ADAMTS5: variants seen among roughly 807,000 people sequenced by gnomAD.
ADAMTS5 encodes the protein A disintegrin and metalloproteinase with thrombospondin motifs 5.
ADAMTS5 carries 54 observed loss-of-function variants against 81.4 expected under a neutral mutation model. The ratio of observed to expected loss-of-function variants is 0.66; its 90% CI spans 0.53 to 0.83. The LOEUF (loss-of-function observed/expected upper bound fraction) is 0.83, where lower values mean the gene tolerates loss of function less well. Ranked by LOEUF, ADAMTS5 falls within the 40% of genes least tolerant of loss-of-function variation. The probability of loss-of-function intolerance (pLI) is 0.00; values close to 1 mark genes in which losing one functional copy is unlikely to be tolerated. For synonymous variants in ADAMTS5, 532 were observed against 508.8 expected, an observed-to-expected ratio of 1.05 and a Z score of -0.61; for missense variants, 1,194 against 1,229.9, an observed-to-expected ratio of 0.97 and a Z score of 0.44.
Position 26,965,623 on chromosome 21 carries a change from G to T in ADAMTS5, c.769C>A (p.Arg257=), listed in dbSNP as rs1381117530. Residue 257 remains arginine (R), a synonymous_variant, in exon 1 of 8, where the codon CGG becomes AGG. Transcript: ENST00000284987. ...CGGGAGATGGAGCGGCGCCGCCGCC[G>T]CCACCACGTCTGCGGTCCTGAGCCC... ...AGGSGPQTWW[R]RRRRSISRAR... The T allele has an allele frequency of 3.1e-6, 5 of 1,596,824 alleles. No individual in the cohort carries two copies. The highest frequency in any genetic ancestry group is 1.3e-5 in the African/African-American group (1 of 74,522).
At chr21:26,933,157 G>A (rs1986947439) in intron 4 of ADAMTS5, 113 bp from the exon 5 acceptor site, 1 of 1,123,238 alleles carries the variant, frequency 8.9e-7, no homozygotes, top group Non-Finnish European at 1.3e-6. Context: ...CACAGATACA[G>A]TTATATTTTC....
In ADAMTS5 at chr21:26,932,797, A is replaced by G. The variant is rs560473400; in HGVS notation, c.1873+64T>C. 7.9e-6 allele frequency: 12 copies of G among 1,512,768 alleles called. No individual in the cohort carries two copies. The African/African-American group carries it at 1.5e-4, about 19-fold the overall frequency. 93.7% of individuals were successfully genotyped at this position (1,512,768 alleles called of 1,614,324 possible). On this transcript the variant is annotated intron_variant, in intron 5 of 7. Coordinates refer to ENST00000284987, the MANE Select transcript of ADAMTS5 (RefSeq NM_007038.5). ...ATTATTTCCCCAGCTTCCCTTATTCATTATTGCTAGAATACAAATGACATG... is the reference window on the plus strand; with the variant it reads ...ATTATTTCCCCAGCTTCCCTTATTCGTTATTGCTAGAATACAAATGACATG...
rs769490088 is a variant in ADAMTS5, at chr21:26,933,050, A to G, written c.1690-6T>C. The G allele has an allele frequency of 6.2e-7, 1 of 1,609,494 alleles. No individual in the cohort carries two copies. The highest frequency in any genetic ancestry group is 1.7e-5 in the Admixed American group (1 of 58,956). On this transcript the variant is annotated splice_polypyrimidine_tract_variant and splice_region_variant and intron_variant, in intron 4 of 7. Transcript: ENST00000284987. ...CAGTTGCCATGGCTTGACGTCTGAAATAGAGAATAGAATATATTTTAACTC... is the reference window on the plus strand; with the variant it reads ...CAGTTGCCATGGCTTGACGTCTGAAGTAGAGAATAGAATATATTTTAACTC...
rs530301801 is a variant in ADAMTS5 at position 26,939,662 on chromosome 21, C to T, written c.1405+3718G>A. On this transcript the variant is annotated intron_variant, in intron 3 of 7. Transcript: ENST00000284987. ...TGTGAGTGTTCTTGAGCTGTATCTA[C>T]ATAAGTCATGGCCTTTCTCATCATC... The T allele has an allele frequency of 6.6e-5, 10 of 152,366 alleles. No individual in the cohort carries two copies. In the East Asian group the frequency reaches 1.7e-3, roughly 26 times the overall value. 9.4% of individuals were successfully genotyped at this position (152,366 alleles called of 1,614,324 possible).
At chr21:26,952,406 T>C (rs1425769311) in intron 2 of ADAMTS5, among the ~76,000 whole-genome samples, 2 of 152,244 alleles carry the variant, frequency 1.3e-5, no homozygotes, top group African/African-American at 4.8e-5. Context: ...GCATCTGGCT[T>C]CCTGCCTCTC....
chr21:26,945,270 A>T (rs1987193525), intron 2 of ADAMTS5, among the ~76,000 whole-genome samples: 1 of 152,124 alleles, frequency 6.6e-6, no homozygotes, highest in African/African-American at 2.4e-5. Flanking sequence ...AAGATAGAAG[A>T]TTTATCAGTT....
chr21:26,965,348 G>A lies in ADAMTS5; in HGVS notation c.1044C>T (p.His348=). 1 of 1,614,278 alleles carries A rather than the reference G, an allele frequency of 6.2e-7. No homozygotes were observed. Among genetic ancestry groups the A allele is most frequent in the Non-Finnish European group, 8.5e-7 (1 of 1,180,046 alleles). The stretch of plus-strand genomic sequence containing the variant: ...CCTCATGGTCATCTCCCAGCTGGTT[G>A]TGTTGGTGCTGCCACTTGCAAAAGT... ...LKNFCKWQHQ[H]NQLGDDHEEH... Residue 348 remains histidine (H), a synonymous_variant, in exon 1 of 8, where the codon CAC becomes CAT. Coordinates refer to ENST00000284987, the MANE Select transcript of ADAMTS5 (RefSeq NM_007038.5).
chr21:26,925,682 C>T (rs1361016252), intron 7 of ADAMTS5, among the ~76,000 whole-genome samples: 27 of 152,290 alleles, frequency 1.8e-4, no homozygotes, highest in Admixed American at 1.6e-3. Flanking sequence ...GTTTGACTGA[C>T]GTGTGGAGCT....
chr21:26,954,148 T>C (rs1987374058), intron 2 of ADAMTS5: 1 of 152,102 alleles, frequency 6.6e-6, no homozygotes, highest in African/African-American at 2.4e-5. Flanking sequence ...GTCCTCTATT[T>C]ATAGATGTAG....
intron 2 of ADAMTS5, among the ~76,000 whole-genome samples, chr21:26,945,823 G>C (rs1468808920): frequency 1.3e-5 from 2 of 152,158 alleles, no homozygotes; most frequent in Non-Finnish European, 2.9e-5. Flanking sequence ...ATGCATAGAG[G>C]AAATTGCACT....
chr21:26,925,950 C>T (rs1194758997), intron 7 of ADAMTS5, among the ~76,000 whole-genome samples: 2 of 152,190 alleles, frequency 1.3e-5, no homozygotes, highest in Admixed American at 6.5e-5. Context: ...CATTACAGAT[C>T]AGATTTTGTT....
At chr21:26,930,195 C>A in intron 6 of ADAMTS5, 134 bp from the exon 7 acceptor site, 9 of 778,336 alleles carry the variant, frequency 1.2e-5, no homozygotes, top group East Asian at 2.7e-5. Flanking sequence ...AAAAAAAAGC[C>A]AAAAAAACAT....
intron 1 of ADAMTS5, among the ~76,000 whole-genome samples, chr21:26,962,859 G>C (rs1333156706): frequency 6.6e-6 from 1 of 151,672 alleles, no homozygotes; most frequent in African/African-American, 2.4e-5. Flanking sequence ...CTCTCCTCCA[G>C]ACTTCTTTTT....
intron 1 of ADAMTS5, among the ~76,000 whole-genome samples, chr21:26,959,982 C>G (rs1027316540): frequency 6.6e-6 from 1 of 152,140 alleles, no homozygotes; most frequent in African/African-American, 2.4e-5. Flanking sequence ...CATTCAAAAC[C>G]TGGCACACTA....
At chr21:26,929,078 TTA>T (rs1986859065) in intron 7 of ADAMTS5, among the ~76,000 whole-genome samples, 1 of 152,194 alleles carries the variant, frequency 6.6e-6, no homozygotes, top group East Asian at 1.9e-4. Flanking sequence ...CAGAGAAAAT[TTA>T]TAGTTTTTTA....
intron 1 of ADAMTS5, among the ~76,000 whole-genome samples, chr21:26,961,055 C>G (rs1044310317): frequency 2.2e-4 from 33 of 152,218 alleles, no homozygotes; most frequent in African/African-American, 8.0e-4. Context: ...TTTTAAATCT[C>G]TGAATCCCTC....
chr21:26,950,938 C>A (rs1318684163), intron 2 of ADAMTS5, among the ~76,000 whole-genome samples: 2 of 152,048 alleles, frequency 1.3e-5, no homozygotes, highest in Non-Finnish European at 2.9e-5. Context: ...TCATTTTATC[C>A]TCTGTCTCCT....
Position 26,965,496 on chromosome 21 carries a change from T to C in ADAMTS5, c.896A>G (p.Asn299Ser), listed in dbSNP as rs777612860. 3.1e-6 allele frequency: 5 copies of C among 1,614,254 alleles called. No homozygotes were observed. The highest frequency in any genetic ancestry group is 4.2e-6 in the Non-Finnish European group (5 of 1,180,042). ...GATGCTAGCATGGCTGTACAGCCTA[T>C]TGGCGATGGAGGCCAGGGTCAGCAG... ...HYLLTLASIA[N>S]RLYSHASIEN... Residue 299 changes from asparagine to serine, a missense_variant, in exon 1 of 8, where the codon AAT becomes AGT. Physicochemically the swap from Asn to Ser is conservative, Grantham distance 46. Coordinates refer to ENST00000284987, the MANE Select transcript of ADAMTS5 (RefSeq NM_007038.5).
chr21:26,965,577 A>T lies in ADAMTS5; in HGVS notation c.815T>A (p.Leu272His). The change falls in exon 1 of 8, where the codon CTT becomes CAT. Residue 272 changes from leucine to histidine, a missense_variant. Around this residue, in one of 2 missense-constraint regions of ADAMTS5, gnomAD observed 498 missense variants for 412.3 expected, o/e 1.21. Coordinates refer to ENST00000284987, the MANE Select transcript of ADAMTS5 (RefSeq NM_007038.5). ...SISRARQVEL[L>H]LVADASMARL... is the part of the protein sequence containing the mutation. ...CGCCATGGACGCGTCAGCCACCAGA[A>T]GCAGCTCCACCTGGCGGGCCCGGGA... 6.2e-7 allele frequency: 1 copy of T among 1,608,926 alleles called. No individual in the cohort carries two copies. The highest frequency in any genetic ancestry group is 8.5e-7 in the Non-Finnish European group (1 of 1,177,144).
Sources: gnomAD v4.1 joint callset for allele counts (sites outside exome capture counted in the v4.1 genomes callset) on GRCh38, gnomAD v4.1.1 for gene constraint, gnomAD v4.1.1 regional missense constraint, MANE v1.5 for transcripts, NCBI Gene and HGNC (gene_info 2026-07-23, HGNC 2026-07-21) for gene names.